The following LCT variants were observed in gnomAD, a reference collection of about 807,000 sequenced individuals.
LCT encodes lactase.
In LCT, 90 loss-of-function variants were observed where a neutral mutation model predicts 173.0. The ratio of observed to expected loss-of-function variants is 0.52; its 90% confidence interval spans 0.44 to 0.62. The LOEUF (loss-of-function observed/expected upper bound fraction) is 0.62. Among genes scored for constraint, LCT ranks in the 20% least tolerant of loss-of-function variants. The pLI, the probability that LCT is intolerant of heterozygous loss-of-function variation, is 0.00. For missense variants in LCT, 1,864 were observed against 2,431.4 expected (o/e 0.77, Z 4.91); for synonymous variants, 853 against 957.6 (o/e 0.89, Z 2.02).
intron 6 of LCT, among the ~76,000 whole-genome samples, chr2:135,817,043 A>AT (rs58161309): frequency 1.3e-5 from 2 of 151,176 alleles, no homozygotes; most frequent in African/African-American, 4.9e-5. Context: ...TAATTTTTGT[A>AT]TTTTTTTTGC....
intron 16 of LCT, 140 bp from the exon 17 acceptor site, chr2:135,788,684 C>G: frequency 2.8e-6 from 2 of 706,738 alleles, no homozygotes; most frequent in Non-Finnish European, 5.2e-6. Flanking sequence ...TACCCATCCC[C>G]TTTCACTGTG....
At position 135,809,668 on chromosome 2, in the gene LCT, G is replaced by A. The variant is rs1178928664; in HGVS notation, c.2679C>T (p.Phe893=). The stretch of plus-strand genomic sequence containing the variant: ...TCCCGTGGTAGAACAAATCTCTTTC[G>A]AACTTGGGTTGGCTGGAGAACTTTT... ...VWEKFSSQPK[F]ERDLFYHGTF... The change falls in exon 8 of 17, where the codon TTC becomes TTT. Residue 893 remains phenylalanine (F), a synonymous_variant. Transcript: ENST00000264162. The surrounding 1 kb of genome is among the most constrained non-coding windows in gnomAD (Gnocchi z 5.5). The A allele has an allele frequency of 7.4e-6, 12 of 1,614,216 alleles. No homozygotes were observed. The highest frequency in any genetic ancestry group is 9.3e-6 in the Non-Finnish European group (11 of 1,180,046).
At chr2:135,800,345 A>C (rs1157569535) in intron 12 of LCT, among the ~76,000 whole-genome samples, 5 of 152,112 alleles carry the variant, frequency 3.3e-5, no homozygotes, top group African/African-American at 9.7e-5. Flanking sequence ...CTCCCACCTT[A>C]GCCTCCTGAG....
chr2:135,824,142 G>A, intron 3 of LCT, 139 bp from the exon 4 acceptor site: 1 of 705,892 alleles, frequency 1.4e-6, no homozygotes, highest in Non-Finnish European at 2.6e-6. Context: ...GTTAATTAAA[G>A]GAGTCAACTC....
Position 135,799,974 on chromosome 2 carries a change from A to G in LCT, c.4866+633T>C, listed in dbSNP as rs374383354. 9.5e-4 allele frequency among the ~76,000 whole-genome samples: 145 copies of G among 152,350 alleles called. 5 individuals are homozygous for G. In the South Asian group the frequency reaches 0.028, roughly 29 times the overall value. Reference sequence around the variant, plus strand: ...CTCTGTTAGCTACTATAGTCAAACCAGAGAGACTGAAGAAATGGAAATTTC... The same window carrying G: ...CTCTGTTAGCTACTATAGTCAAACCGGAGAGACTGAAGAAATGGAAATTTC... On this transcript the variant is annotated intron_variant, in intron 12 of 16. Coordinates refer to ENST00000264162, the MANE Select transcript of LCT (RefSeq NM_002299.4).
intron 12 of LCT, among the ~76,000 whole-genome samples, 176 bp downstream of exon 12, chr2:135,800,431 C>T (rs2077615926): frequency 1.3e-5 from 2 of 152,030 alleles, no homozygotes; most frequent in African/African-American, 4.8e-5. Context: ...TTCTATGTTG[C>T]CCAGGCTAGT....
Position 135,804,054 on chromosome 2 carries a change from C to T in LCT, c.4539G>A (p.Gln1513=), listed in dbSNP as rs2077648690. 1 of 1,614,170 alleles carries T rather than the reference C, an allele frequency of 6.2e-7. No homozygotes were observed. The highest frequency in any genetic ancestry group is 1.1e-5 in the South Asian group (1 of 91,092). ...VGGWENETIV[Q]RFKEYADVLF... ...GCACATCTGCATACTCCTTAAACCG[C>T]TGCACGATGGTCTCATTCTCCCAGC... is the stretch of plus-strand genomic sequence containing the variant. The change falls in exon 11 of 17, where the codon CAG becomes CAA. Residue 1513 remains glutamine, a synonymous_variant. Coordinates refer to ENST00000264162, the MANE Select transcript of LCT (RefSeq NM_002299.4).
chr2:135,829,781 T>C, intron 2 of LCT, 105 bp from the exon 3 acceptor site: 1 of 782,428 alleles, frequency 1.3e-6, no homozygotes, highest in Non-Finnish European at 2.3e-6. Flanking sequence ...CTAAACCAAA[T>C]ATTCCAAAGC....
chr2:135,809,688 A>T lies in LCT; in HGVS notation c.2659T>A (p.Phe887Ile). 1 of 1,614,236 alleles carries T rather than the reference A, an allele frequency of 6.2e-7. No homozygotes were observed. The highest frequency in any genetic ancestry group is 8.5e-7 in the Non-Finnish European group (1 of 1,180,036). The change falls in exon 8 of 17, where the codon TTC becomes ATC. Residue 887 changes from phenylalanine to isoleucine, a missense_variant. By Grantham distance (21) the Phe-to-Ile change is conservative. Coordinates refer to ENST00000264162, the MANE Select transcript of LCT (RefSeq NM_002299.4). This position sits in a 1 kb window ranked among gnomAD's most constrained non-coding sequence, Gnocchi z 5.5. ...CTTTCGAACTTGGGTTGGCTGGAGAACTTTTCCCAAACGACTTTAGCCTTG... is the reference window on the plus strand; with the variant it reads ...CTTTCGAACTTGGGTTGGCTGGAGATCTTTTCCCAAACGACTTTAGCCTTG... ...PSKAKVVWEK[F>I]SSQPKFERDL...
intron 2 of LCT, among the ~76,000 whole-genome samples, chr2:135,831,012 A>G (rs2105555840): frequency 6.6e-6 from 1 of 152,328 alleles, no homozygotes; most frequent in East Asian, 1.9e-4. Context: ...CTTGCTGGGG[A>G]TTAGACTCAC....
At chr2:135,810,382 G>A (rs2077725076) in intron 7 of LCT, 1 of 164,506 alleles carries the variant, frequency 6.1e-6, no homozygotes, top group South Asian at 1.6e-4. Context: ...TGAAAGTTTT[G>A]GGGGTGACTT....
intron 1 of LCT, among the ~76,000 whole-genome samples, chr2:135,835,981 T>TAA (rs35541538): frequency 0.025 from 505 of 19,876 alleles, 35 homozygotes; most frequent in African/African-American, 0.045. Flanking sequence ...TGTGTGTATA[T>TAA]ATATATATAT....
chr2:135,798,909 C>T (rs1039872453), intron 12 of LCT, among the ~76,000 whole-genome samples: 1 of 152,134 alleles, frequency 6.6e-6, no homozygotes, highest in African/African-American at 2.4e-5. Context: ...TAGATATTTT[C>T]GTGGAAGCTG....
intron 3 of LCT, among the ~76,000 whole-genome samples, chr2:135,826,679 G>A (rs1162209078): frequency 6.6e-6 from 1 of 152,204 alleles, no homozygotes; most frequent in African/African-American, 2.4e-5. Flanking sequence ...CCGCACAACA[G>A]AGATGGTTTT....
Position 135,788,529 on chromosome 2 carries a change from ATGG to A in LCT, c.5576_5578del (p.Thr1859del), listed in dbSNP as rs766539495. 1.2e-6 allele frequency: 2 copies of A among 1,610,530 alleles called. No homozygotes were observed. Among genetic ancestry groups the A allele is most frequent in the South Asian group, 1.1e-5 (1 of 90,980 alleles). The stretch of plus-strand genomic sequence containing the variant: ...CACCTCCTCCTGTCTCACGGGGCTG[ATGG>A]TGGGTCCAGCATCTAGGAGAGTGTG... On this transcript the variant is annotated inframe_deletion, in exon 17 of 17. Transcript: ENST00000264162.
chr2:135,811,916 TAA>T (rs762461343), intron 7 of LCT, among the ~76,000 whole-genome samples: 14 of 138,230 alleles, frequency 1.0e-4, no homozygotes, highest in Non-Finnish European at 1.1e-4. Context: ...ACCCCATGTC[TAA>T]AAAAAAAAAA....
At position 135,836,539 on chromosome 2, in the gene LCT, C is replaced by T; in HGVS notation, c.631G>A (p.Ala211Thr). 6.2e-7 allele frequency: 1 copy of T among 1,614,122 alleles called. No homozygotes were observed. The highest frequency in any genetic ancestry group is 8.5e-7 in the Non-Finnish European group (1 of 1,179,998). Residue 211 changes from alanine (A) to threonine (T), a missense_variant, in exon 1 of 17, where the codon GCT (alanine) becomes ACT (threonine). Physicochemically the swap from Ala to Thr is moderately conservative, Grantham distance 58 (BLOSUM62 0). Around this residue, in one of 4 missense-constraint regions of LCT, gnomAD observed 412 missense variants for 462.0 expected, o/e 0.89. Coordinates refer to ENST00000264162, the MANE Select transcript of LCT (RefSeq NM_002299.4). The stretch of plus-strand genomic sequence containing the variant: ...GTCAATGTGTACTCACCCTGAAAAG[C>T]ATAGCTTTCGTGGTAAATCTCATAG... ...KAYEIYHESYAFQGGKLSVVL... is the reference protein window; with the variant it reads ...KAYEIYHESYTFQGGKLSVVL...
intron 14 of LCT, among the ~76,000 whole-genome samples, chr2:135,792,569 G>T (rs1032926225): frequency 6.6e-6 from 1 of 152,148 alleles, no homozygotes; most frequent in Non-Finnish European, 1.5e-5. Context: ...GCAGGAGTGA[G>T]ACTGGCCTTG....
In LCT at chr2:135,804,045, C is replaced by A; in HGVS notation, c.4548G>T (p.Lys1516Asn). Residue 1516 changes from lysine (K) to asparagine (N), a missense_variant, in exon 11 of 17, where the codon AAG (lysine) becomes AAT (asparagine). Physicochemically the swap from Lys to Asn is moderately conservative, Grantham distance 94. Transcript: ENST00000264162. ...WENETIVQRF[K>N]EYADVLFQRL... Reference sequence around the variant, plus strand: ...TCTGGAAGAGCACATCTGCATACTCCTTAAACCGCTGCACGATGGTCTCAT... The same window carrying A: ...TCTGGAAGAGCACATCTGCATACTCATTAAACCGCTGCACGATGGTCTCAT... 1 of 1,614,144 alleles carries A rather than the reference C, an allele frequency of 6.2e-7. No homozygotes were observed. The highest frequency in any genetic ancestry group is 1.1e-5 in the South Asian group (1 of 91,082).
Sources: allele counts gnomAD v4.1 joint callset (sites outside exome capture counted in the v4.1 genomes callset), GRCh38; gene constraint gnomAD v4.1.1; regional missense constraint gnomAD v4.1.1; non-coding constraint Gnocchi (gnomAD v3.1); transcripts MANE v1.5; gene names NCBI Gene and HGNC (gene_info 2026-07-23, HGNC 2026-07-21).